The following ITPR1 variants were observed in gnomAD, a reference collection of about 807,000 sequenced individuals.
The protein encoded by ITPR1 is inositol 1,4,5-trisphosphate-gated calcium channel ITPR1.
In ITPR1, 96 loss-of-function variants were observed where a neutral mutation model predicts 318.4. The ratio of observed to expected loss-of-function variants is 0.30; its 90% CI spans 0.26 to 0.36. The LOEUF is 0.36. Among genes scored for constraint, ITPR1 ranks in the 10% least tolerant of loss-of-function variants. ITPR1 has a pLI of 1.00. For missense variants in ITPR1, 2,440 were observed against 3,460.2 expected (o/e 0.71, Z 7.40); for synonymous variants, 1,312 against 1,289.9 (o/e 1.02, Z -0.37).
chr3:4,593,887 A>G (rs927220987), intron 4 of ITPR1, among the ~76,000 whole-genome samples: 4 of 152,204 alleles, frequency 2.6e-5, no homozygotes, highest in Admixed American at 6.5e-5. Flanking sequence ...ATTCTTGGCA[A>G]TGAGAGCCTT....
At chr3:4,511,441 C>T (rs991571615) in intron 2 of ITPR1, among the ~76,000 whole-genome samples, 1 of 152,130 alleles carries the variant, frequency 6.6e-6, no homozygotes, top group South Asian at 2.1e-4. Flanking sequence ...CAGTGATCTA[C>T]CTTTCTTTGC....
intron 51 of ITPR1, among the ~76,000 whole-genome samples, chr3:4,786,627 C>T (rs754758447): frequency 1.3e-5 from 2 of 152,172 alleles, no homozygotes; most frequent in Non-Finnish European, 2.9e-5. Flanking sequence ...ATAGCCCTTT[C>T]GAAATCACTA....
chr3:4,807,518 G>T (rs1195268578), intron 55 of ITPR1, among the ~76,000 whole-genome samples: 1 of 152,056 alleles, frequency 6.6e-6, no homozygotes, highest in Non-Finnish European at 1.5e-5. Flanking sequence ...TTCAGGTCAG[G>T]GTCTTAGAAT....
At position 4,837,604 on chromosome 3, in the gene ITPR1, G is replaced by A. The variant is rs189212335; in HGVS notation, c.8190+669G>A. ...ATCTTATGGATAGGAAGCAGGATGC[G>A]GGCAGTACTGTGGGCAGAATTTAAA... On this transcript the variant is annotated intron_variant, in intron 61 of 61. Transcript: ENST00000649015. 5.5e-3 allele frequency among the ~76,000 whole-genome samples: 842 copies of A among 151,970 alleles called. 4 individuals are homozygous for A. Among genetic ancestry groups the A allele is most frequent in the Middle Eastern group, 0.01 (3 of 294 alleles).
At chr3:4,821,156 G>A (rs1385248815) in intron 60 of ITPR1, among the ~76,000 whole-genome samples, 1 of 152,278 alleles carries the variant, frequency 6.6e-6, no homozygotes, top group Non-Finnish European at 1.5e-5. Context: ...GGCAGTGGCA[G>A]AGATGGAAGG....
At chr3:4,535,515 T>C (rs887165775) in intron 4 of ITPR1, among the ~76,000 whole-genome samples, 3 of 138,494 alleles carry the variant, frequency 2.2e-5, no homozygotes, top group Non-Finnish European at 3.1e-5. Context: ...CAATCTCGGC[T>C]CACTCCAAGC....
At chr3:4,802,670 A>G (rs879465197) in intron 54 of ITPR1, among the ~76,000 whole-genome samples, 13 of 152,134 alleles carry the variant, frequency 8.5e-5, no homozygotes, top group Non-Finnish European at 1.5e-4. Context: ...ACTAAAAAAA[A>G]ATACAAAAAT....
intron 48 of ITPR1, among the ~76,000 whole-genome samples, chr3:4,778,884 C>A (rs1257252766): frequency 6.6e-6 from 1 of 152,192 alleles, no homozygotes; most frequent in African/African-American, 2.4e-5. Flanking sequence ...CATAAAGAAG[C>A]ATACAAAGTA....
intron 44 of ITPR1, among the ~76,000 whole-genome samples, chr3:4,741,235 G>T (rs1227494246): frequency 6.6e-6 from 1 of 152,130 alleles, no homozygotes; most frequent in African/African-American, 2.4e-5. Flanking sequence ...AGCCAATACA[G>T]ATGTTTTGGG....
intron 52 of ITPR1, among the ~76,000 whole-genome samples, chr3:4,792,725 A>T (rs11917686): frequency 0.5 from 76,719 of 152,060 alleles, 20,019 homozygotes; most frequent in East Asian, 0.9. Flanking sequence ...GGGGAGGAGA[A>T]GGAAGCCACA....
At chr3:4,622,888 C>G (rs1489132511) in intron 4 of ITPR1, among the ~76,000 whole-genome samples, 1 of 152,190 alleles carries the variant, frequency 6.6e-6, no homozygotes, top group East Asian at 1.9e-4. Context: ...AGACCCTGGG[C>G]TACCAAAACA....
chr3:4,602,554 T>C (rs966946765), intron 4 of ITPR1, among the ~76,000 whole-genome samples: 2 of 147,658 alleles, frequency 1.4e-5, no homozygotes, highest in Non-Finnish European at 3.0e-5. Context: ...AAAAAACTTG[T>C]ACATAAACAT....
Position 4,720,798 on chromosome 3 carries a change from A to T in ITPR1, c.5136+3399A>T, listed in dbSNP as rs34223228. The stretch of plus-strand genomic sequence containing the variant: ...GATGCCATTGTAAAATTCGAGGTAG[A>T]GGGGGAAACAGGAGAAACAAAGAGT... On this transcript the variant is annotated intron_variant, in intron 40 of 61. Transcript: ENST00000649015. 6.4e-4 allele frequency among the ~76,000 whole-genome samples: 97 copies of T among 151,586 alleles called. 1 individual carries two copies. The highest frequency in any genetic ancestry group is 2.0e-3 in the African/African-American group (82 of 41,300).
chr3:4,622,818 G>C (rs2092691892), intron 4 of ITPR1, among the ~76,000 whole-genome samples: 1 of 152,178 alleles, frequency 6.6e-6, no homozygotes, highest in Non-Finnish European at 1.5e-5. Context: ...GGAGCACTGG[G>C]GATTGTAGCA....
At chr3:4,578,296 A>T (rs1332021148) in intron 4 of ITPR1, among the ~76,000 whole-genome samples, 1 of 152,116 alleles carries the variant, frequency 6.6e-6, no homozygotes, top group Non-Finnish European at 1.5e-5. Context: ...TTTGGTTTCT[A>T]GAGTGATCTT....
intron 40 of ITPR1, among the ~76,000 whole-genome samples, chr3:4,719,483 G>A (rs541834266): frequency 1.3e-5 from 2 of 152,360 alleles, no homozygotes; most frequent in South Asian, 4.1e-4. Context: ...GAGTTCTGCA[G>A]AAGCTTAATG....
chr3:4,735,508 G>C, intron 44 of ITPR1, 154 bp downstream of exon 44: 1 of 613,816 alleles, frequency 1.6e-6, no homozygotes, highest in South Asian at 2.0e-5. Context: ...AGTTCTGCTA[G>C]TATCCTGCTG....
chr3:4,678,314 T>A (rs1193646599), intron 24 of ITPR1, among the ~76,000 whole-genome samples: 2 of 152,240 alleles, frequency 1.3e-5, no homozygotes, highest in Non-Finnish European at 2.9e-5. Flanking sequence ...ATTTTCAATT[T>A]TTTTTGTCGA....
At position 4,698,282 on chromosome 3, in the gene ITPR1, T is replaced by G. The variant is rs144532234; in HGVS notation, c.4407+1010T>G. 3.0e-3 allele frequency among the ~76,000 whole-genome samples: 182 copies of G among 61,680 alleles called. 3 individuals carry two copies. Among genetic ancestry groups the G allele is most frequent in the African/African-American group, 0.011 (169 of 14,972 alleles). 40.5% of individuals were successfully genotyped at this position (61,680 alleles called of 152,430 possible). ...TGGTATTTTCTGCTTGACTGTATGA[T>G]TACTAGTGTGAGACAGAAGCCTATA... On this transcript the variant is annotated intron_variant, in intron 34 of 61. Transcript: ENST00000649015.
Sources: allele counts gnomAD v4.1 joint callset (sites outside exome capture counted in the v4.1 genomes callset), GRCh38; gene constraint gnomAD v4.1.1; transcripts MANE v1.5; gene names NCBI Gene and HGNC (gene_info 2026-07-23, HGNC 2026-07-21).